The following TMX4 variants were observed in gnomAD, a reference collection of about 807,000 sequenced individuals.
TMX4 encodes thioredoxin related transmembrane protein 4.
TMX4 carries 23 observed loss-of-function variants against 33.3 expected under a neutral mutation model. The ratio of observed to expected loss-of-function variants is 0.69; its 90% CI spans 0.50 to 0.98. The LOEUF (loss-of-function observed/expected upper bound fraction) is 0.98, where lower values mean the gene tolerates loss of function less well. TMX4 is among the 50% of genes least tolerant of loss of function. TMX4 has a pLI of 0.00. For synonymous variants in TMX4, 164 were observed against 161.5 expected, an observed-to-expected ratio of 1.02 and a Z score of -0.12; for missense variants, 399 against 448.9, an observed-to-expected ratio of 0.89 and a Z score of 1.01.
At chr20:8,008,354 CCTT>C (rs1198298277) in intron 2 of TMX4, among the ~76,000 whole-genome samples, 1 of 151,932 alleles carries the variant, frequency 6.6e-6, no homozygotes, top group South Asian at 2.1e-4. Context: ...AGAAGTTTTT[CCTT>C]CTTCTTTTAA....
chr20:7,986,598 A>G (rs1171050458), intron 6 of TMX4, among the ~76,000 whole-genome samples: 1 of 152,212 alleles, frequency 6.6e-6, no homozygotes, highest in Non-Finnish European at 1.5e-5. Flanking sequence ...TTTAAAATGC[A>G]ATCAAACTAA....
rs1472559450 is a variant in TMX4 at position 7,982,750 on chromosome 20, A to G, written c.680-129T>C. On this transcript the variant is annotated intron_variant, in intron 7 of 7. Coordinates refer to ENST00000246024, the MANE Select transcript of TMX4 (RefSeq NM_021156.4). ...TTTTTTCTATCTTGAAACTATGGTC[A>G]TATAGGACAGATTCTCTGGTTGGCA... 3 of 1,047,246 alleles carry G rather than the reference A, an allele frequency of 2.9e-6. No individual in the cohort carries two copies. The African/African-American group carries it at 4.8e-5, about 17-fold the overall frequency. 64.9% of individuals were successfully genotyped at this position (1,047,246 alleles called of 1,614,324 possible). A position where few individuals can be genotyped will look rare whatever the true frequency, so the allele number is the denominator to read the frequency against.
chr20:8,012,520 C>T (rs1269030778), intron 1 of TMX4, among the ~76,000 whole-genome samples: 2 of 151,842 alleles, frequency 1.3e-5, no homozygotes, highest in African/African-American at 2.4e-5. Context: ...TGATAAAAAT[C>T]GTCAAGGAAT....
chr20:8,011,462 T>C (rs893890904), intron 1 of TMX4, among the ~76,000 whole-genome samples: 1 of 151,612 alleles, frequency 6.6e-6, no homozygotes, highest in Admixed American at 6.6e-5. Flanking sequence ...AAAAGCATGC[T>C]GGTAAGTATC....
intron 5 of TMX4, among the ~76,000 whole-genome samples, chr20:7,991,009 C>A (rs2050652217): frequency 6.6e-6 from 1 of 152,164 alleles, no homozygotes; most frequent in Admixed American, 6.5e-5. Context: ...AAGAGGCATG[C>A]TATGTAAATC....
rs371499273 is a variant in TMX4, at chr20:7,982,221, G to C, written c.*30C>G. ...AAAGGGAAGCTGACATATTGTTTTG[G>C]TGTGTATTCTTGAAAACGCATCATT... On this transcript the variant is annotated 3_prime_UTR_variant, in exon 8 of 8. Transcript: ENST00000246024. 1.3e-5 allele frequency: 21 copies of C among 1,593,600 alleles called. No homozygotes were observed. In the African/African-American group the frequency reaches 2.5e-4, roughly 19 times the overall value.
At chr20:8,006,684 C>A (rs1284534577) in intron 2 of TMX4, among the ~76,000 whole-genome samples, 1 of 151,922 alleles carries the variant, frequency 6.6e-6, no homozygotes, top group Non-Finnish European at 1.5e-5. Context: ...GGCTACCAGA[C>A]CCTCCTACTT....
chr20:7,991,208 T>A (rs2050653157), intron 5 of TMX4, among the ~76,000 whole-genome samples: 1 of 152,222 alleles, frequency 6.6e-6, no homozygotes, highest in Admixed American at 6.5e-5. Flanking sequence ...CATCTTATTT[T>A]AGCTAAAATC....
At position 7,983,803 on chromosome 20, in the gene TMX4, C is replaced by T; in HGVS notation, c.670G>A (p.Glu224Lys). Residue 224 changes from glutamate to lysine, a missense_variant, in exon 7 of 8, where the codon GAG becomes AAG. Physicochemically the swap from Glu to Lys is moderately conservative, Grantham distance 56. Coordinates refer to ENST00000246024, the MANE Select transcript of TMX4 (RefSeq NM_021156.4). ...FYVPLPRHLSERSEQNRRSEE... is the reference protein window; with the variant it reads ...FYVPLPRHLSKRSEQNRRSEE... The stretch of plus-strand genomic sequence containing the variant: ...AGCTTATCGTACTTACCAGAACGCT[C>T]AGATAAATGCCTTGGAAGTGGCACA... 2 of 1,613,358 alleles carry T rather than the reference C, an allele frequency of 1.2e-6. No individual in the cohort carries two copies. The highest frequency in any genetic ancestry group is 1.7e-6 in the Non-Finnish European group (2 of 1,179,708).
rs530265649 is a variant in TMX4 at position 7,981,324 on chromosome 20, A to G, written c.*927T>C. 1.1e-4 allele frequency: 16 copies of G among 152,348 alleles called. No individual in the cohort carries two copies. In the East Asian group the frequency reaches 3.1e-3, roughly 29 times the overall value. The allele number at this position is 152,348 out of a possible 1,614,324, so 9.4% of individuals were successfully genotyped here. On this transcript the variant is annotated 3_prime_UTR_variant, in exon 8 of 8. Transcript: ENST00000246024. ...AAACAGTATTCAACTTTTCTTCACA[A>G]GACTACCTTGTACTGGCAAGACTTA...
chr20:7,982,504 T>C lies in TMX4; in HGVS notation c.797A>G (p.Glu266Gly). ...NKDSLVDDEEEKEDLGDEDEA... is the reference protein window; with the variant it reads ...NKDSLVDDEEGKEDLGDEDEA... Reference sequence around the variant, plus strand: ...ATCCTCATCGCCAAGATCTTCTTTCTCTTCTTCATCATCTACAAGGCTGTC... The same window carrying C: ...ATCCTCATCGCCAAGATCTTCTTTCCCTTCTTCATCATCTACAAGGCTGTC... The change falls in exon 8 of 8, where the codon GAG (glutamate) becomes GGG (glycine). Residue 266 changes from glutamate to glycine, a missense_variant. Glu to Gly is a moderately conservative substitution (Grantham distance 98, BLOSUM62 -2). Transcript: ENST00000246024. 1 of 1,613,952 alleles carries C rather than the reference T, an allele frequency of 6.2e-7. No homozygotes were observed. The highest frequency in any genetic ancestry group is 8.5e-7 in the Non-Finnish European group (1 of 1,179,870).
rs1260421150 is a variant in TMX4, at chr20:7,980,475, T to A, written c.*1776A>T. 2 of 152,242 alleles carry A rather than the reference T, an allele frequency of 1.3e-5. No individual in the cohort carries two copies. The highest frequency in any genetic ancestry group is 1.3e-4 in the Admixed American group (2 of 15,254). 9.4% of individuals were successfully genotyped at this position (152,242 alleles called of 1,614,324 possible). The stretch of plus-strand genomic sequence containing the variant: ...TGCCACCATCAGAACCATGGCACTT[T>A]GGGTGAAGGTGTGTCAGCGACCAAG... On this transcript the variant is annotated 3_prime_UTR_variant, in exon 8 of 8. Transcript: ENST00000246024.
rs2050635697 is a variant in TMX4, at chr20:7,987,393, G to C, written c.514-4C>G. ...CTGTGAAATAGTTGTGAAGATGCTG[G>C]AATCAGAAGAAAAAAAATAAAACAT... On this transcript the variant is annotated splice_polypyrimidine_tract_variant and splice_region_variant and intron_variant, in intron 5 of 7. Coordinates refer to ENST00000246024, the MANE Select transcript of TMX4 (RefSeq NM_021156.4). 6.4e-7 allele frequency: 1 copy of C among 1,556,960 alleles called. No homozygotes were observed. The highest frequency in any genetic ancestry group is 1.4e-5 in the African/African-American group (1 of 71,328).
chr20:8,019,688 G>T lies in TMX4; in HGVS notation c.-75C>A. The T allele has an allele frequency of 2.4e-6, 3 of 1,229,012 alleles. No homozygotes were observed. Among genetic ancestry groups the T allele is most frequent in the Non-Finnish European group, 3.1e-6 (3 of 972,338 alleles). 76.1% of individuals were successfully genotyped at this position (1,229,012 alleles called of 1,614,324 possible). On this transcript the variant is annotated 5_prime_UTR_variant, in exon 1 of 8. Transcript: ENST00000246024. ...GGCCGGCCCGCAGCCTCGCTCGCCCGCCGGGTTTTTCAAGGAAGCGGGAGA... is the reference window on the plus strand; with the variant it reads ...GGCCGGCCCGCAGCCTCGCTCGCCCTCCGGGTTTTTCAAGGAAGCGGGAGA...
At chr20:8,007,318 A>T (rs1041201638) in intron 2 of TMX4, among the ~76,000 whole-genome samples, 2 of 152,050 alleles carry the variant, frequency 1.3e-5, no homozygotes, top group Non-Finnish European at 2.9e-5. Flanking sequence ...AATCCATCAG[A>T]AAATCCTAGT....
At position 7,982,438 on chromosome 20, in the gene TMX4, C is replaced by G; in HGVS notation, c.863G>C (p.Gly288Ala). The change falls in exon 8 of 8, where the codon GGT (glycine) becomes GCT (alanine). Residue 288 changes from glycine (G) to alanine (A), a missense_variant. Coordinates refer to ENST00000246024, the MANE Select transcript of TMX4 (RefSeq NM_021156.4). Reference protein sequence around the residue: ...EEEEEDNLAAGVDEERSEAND... With the variant: ...EEEEEDNLAAAVDEERSEAND... Reference sequence around the variant, plus strand: ...GGCCTCACTTCTCTCCTCATCCACACCAGCAGCCAAGTTGTCCTCCTCCTC... The same window carrying G: ...GGCCTCACTTCTCTCCTCATCCACAGCAGCAGCCAAGTTGTCCTCCTCCTC... 6.2e-7 allele frequency: 1 copy of G among 1,614,158 alleles called. No individual in the cohort carries two copies. Among genetic ancestry groups the G allele is most frequent in the Non-Finnish European group, 8.5e-7 (1 of 1,180,042 alleles).
In TMX4 at chr20:8,019,548, C is replaced by T. The variant is rs1300724773; in HGVS notation, c.66G>A (p.Ala22=). The T allele has an allele frequency of 4.8e-6, 7 of 1,458,462 alleles. No individual in the cohort carries two copies. Among genetic ancestry groups the T allele is most frequent in the Non-Finnish European group, 6.3e-6 (7 of 1,105,082 alleles). 90.3% of individuals were successfully genotyped at this position (1,458,462 alleles called of 1,614,324 possible). A position where few individuals can be genotyped will look rare whatever the true frequency, so the allele number is the denominator to read the frequency against. ...ALLAAWIAAV[A]ATAGPEEAAL... Reference sequence around the variant, plus strand: ...CGGCCTCCTCGGGGCCTGCCGTCGCCGCCACAGCCGCGATCCAGGCGGCCA... The same window carrying T: ...CGGCCTCCTCGGGGCCTGCCGTCGCTGCCACAGCCGCGATCCAGGCGGCCA... The change falls in exon 1 of 8, where the codon GCG becomes GCA. Residue 22 remains alanine, a synonymous_variant. Coordinates refer to ENST00000246024, the MANE Select transcript of TMX4 (RefSeq NM_021156.4).
At position 7,982,446 on chromosome 20, in the gene TMX4, C is replaced by T; in HGVS notation, c.855G>A (p.Leu285=). ...TTCTCTCCTCATCCACACCAGCAGCCAAGTTGTCCTCCTCCTCTTCTTCCT... is the reference window on the plus strand; with the variant it reads ...TTCTCTCCTCATCCACACCAGCAGCTAAGTTGTCCTCCTCCTCTTCTTCCT... ...EAEEEEEEDN[L]AAGVDEERSE... The change falls in exon 8 of 8, where the codon TTG becomes TTA. Residue 285 remains leucine (L), a synonymous_variant. Coordinates refer to ENST00000246024, the MANE Select transcript of TMX4 (RefSeq NM_021156.4). The T allele has an allele frequency of 6.2e-7, 1 of 1,614,126 alleles. No homozygotes were observed. Among genetic ancestry groups the T allele is most frequent in the East Asian group, 2.2e-5 (1 of 44,862 alleles).
chr20:7,996,683 AT>A (rs1273462249), intron 4 of TMX4, among the ~76,000 whole-genome samples: 1 of 152,018 alleles, frequency 6.6e-6, no homozygotes, highest in Non-Finnish European at 1.5e-5. Flanking sequence ...GATCCTATCC[AT>A]TTTGTCTTAT....
Sources: gnomAD v4.1 joint callset for allele counts (sites outside exome capture counted in the v4.1 genomes callset) on GRCh38, gnomAD v4.1.1 for gene constraint, MANE v1.5 for transcripts, NCBI Gene and HGNC (gene_info 2026-07-23, HGNC 2026-07-21) for gene names.